Variants in NRXN3 observed in about 807,000 individuals in gnomAD.
NRXN3 encodes neurexin 3.
A neutral mutation model predicts 137.6 loss-of-function variants in NRXN3; 32 were observed. The ratio of observed to expected loss-of-function variants is 0.23; its 90% CI spans 0.18 to 0.31. The LOEUF is 0.31. NRXN3 is among the 10% of genes least tolerant of loss of function. The pLI is 1.00. For synonymous variants in NRXN3, 798 were observed against 784.5 expected (o/e 1.02, Z -0.29); for missense variants, 1,574 against 2,062.5 (o/e 0.76, Z 4.59).
Position 79,861,583 on chromosome 14 carries a change from G to A in NRXN3, c.4335G>A (p.Leu1445=). The change falls in exon 21 of 21, where the codon TTG becomes TTA. Residue 1445 remains leucine, a synonymous_variant. Transcript: ENST00000335750. The surrounding 1 kb of genome is among the most constrained non-coding windows in gnomAD (Gnocchi z 5.4). The stretch of plus-strand genomic sequence containing the variant: ...AGCCTGATATAGTCTTGCTTCCGTT[G>A]CCCACTGCCTATGAGCTAGACAGCA... ...KPQPDIVLLP[L]PTAYELDSTK... 1 of 1,608,540 alleles carries A rather than the reference G, an allele frequency of 6.2e-7. No individual in the cohort carries two copies. Among genetic ancestry groups the A allele is most frequent in the Non-Finnish European group, 8.5e-7 (1 of 1,177,772 alleles).
At chr14:78,568,961 G>T (rs2096862125) in intron 4 of NRXN3, among the ~76,000 whole-genome samples, 1 of 103,740 alleles carries the variant, frequency 9.6e-6, no homozygotes, top group African/African-American at 4.1e-5. Flanking sequence ...GACTTTGCAG[G>T]TTTTTTTTTT....
At chr14:79,764,240 C>A (rs1411752258) in intron 19 of NRXN3, among the ~76,000 whole-genome samples, 1 of 151,868 alleles carries the variant, frequency 6.6e-6, no homozygotes, top group Non-Finnish European at 1.5e-5. Context: ...CATTTTCAAC[C>A]TTATTTCTTT....
chr14:78,580,394 C>T (rs906779196), intron 4 of NRXN3, among the ~76,000 whole-genome samples: 2 of 152,180 alleles, frequency 1.3e-5, no homozygotes, highest in Non-Finnish European at 2.9e-5. Context: ...TGACACCAGG[C>T]TCATTGGTAA....
intron 4 of NRXN3, among the ~76,000 whole-genome samples, chr14:78,446,307 GA>G (rs1215231444): frequency 2.0e-5 from 3 of 152,088 alleles, no homozygotes; most frequent in Non-Finnish European, 4.4e-5. Flanking sequence ...GGGGCCTGGG[GA>G]AGGATGATAA....
At chr14:79,115,547 A>G (rs1196603295) in intron 15 of NRXN3, among the ~76,000 whole-genome samples, 6 of 152,168 alleles carry the variant, frequency 3.9e-5, no homozygotes, top group Non-Finnish European at 7.3e-5. Context: ...GAGGTGACAG[A>G]TATTCAAGAA....
chr14:78,778,758 C>CTCTTTCTT (rs10701078), intron 8 of NRXN3, among the ~76,000 whole-genome samples: 2,631 of 97,144 alleles, frequency 0.027, 52 homozygotes, highest in East Asian at 0.036. Context: ...TTCCTTCTTT[C>CTCTTTCTT]TCTTTCTTTC....
At chr14:78,439,170 A>T (rs567408447) in intron 4 of NRXN3, among the ~76,000 whole-genome samples, 49 of 152,042 alleles carry the variant, frequency 3.2e-4, no homozygotes, top group South Asian at 1.3e-3. Context: ...GAAGATAGTT[A>T]AAAAAAATGA....
chr14:79,835,426 C>A (rs1213278865), intron 20 of NRXN3, among the ~76,000 whole-genome samples: 2 of 152,128 alleles, frequency 1.3e-5, no homozygotes, highest in African/African-American at 4.8e-5. Flanking sequence ...TACCATAACG[C>A]TTTTCCTTTT....
intron 15 of NRXN3, among the ~76,000 whole-genome samples, chr14:79,191,258 C>G (rs919891519): frequency 6.6e-6 from 1 of 152,176 alleles, no homozygotes; most frequent in Non-Finnish European, 1.5e-5. Context: ...CTCAAACAAA[C>G]TATGGAAGCA....
intron 15 of NRXN3, among the ~76,000 whole-genome samples, chr14:79,196,105 G>A (rs2065094355): frequency 6.6e-6 from 1 of 152,150 alleles, no homozygotes; most frequent in South Asian, 2.1e-4. Flanking sequence ...GAGATTAAAT[G>A]AGGCAAAAGT....
chr14:79,097,545 A>G (rs1231748213), intron 15 of NRXN3, among the ~76,000 whole-genome samples: 1 of 152,226 alleles, frequency 6.6e-6, no homozygotes. Flanking sequence ...CTGAAGGAAG[A>G]GGCCAAACCA....
intron 8 of NRXN3, among the ~76,000 whole-genome samples, chr14:78,794,253 G>A (rs1481992713): frequency 6.6e-6 from 1 of 152,122 alleles, no homozygotes; most frequent in Non-Finnish European, 1.5e-5. Context: ...GTGGTGGCAT[G>A]TGCCTGTAGT....
At chr14:78,423,087 A>G (rs559588601) in intron 4 of NRXN3, among the ~76,000 whole-genome samples, 6 of 152,098 alleles carry the variant, frequency 3.9e-5, no homozygotes, top group Non-Finnish European at 7.4e-5. Context: ...TGCCTTTTGG[A>G]GGTGGGGACA....
intron 15 of NRXN3, among the ~76,000 whole-genome samples, chr14:79,006,627 A>G (rs894295555): frequency 6.6e-6 from 1 of 152,040 alleles, no homozygotes; most frequent in Non-Finnish European, 1.5e-5. Context: ...ATCCACTTAT[A>G]TTAGAGCCTC....
chr14:79,049,582 T>A (rs1568113754), intron 15 of NRXN3, among the ~76,000 whole-genome samples: 1 of 152,244 alleles, frequency 6.6e-6, no homozygotes, highest in Non-Finnish European at 1.5e-5. Context: ...ATGAATGCTC[T>A]TAATGGCATT....
intron 15 of NRXN3, among the ~76,000 whole-genome samples, chr14:79,258,117 A>G (rs1355206968): frequency 6.6e-6 from 1 of 152,240 alleles, no homozygotes; most frequent in Non-Finnish European, 1.5e-5. Context: ...CCACCAGTTC[A>G]AATGATGTTT....
intron 15 of NRXN3, among the ~76,000 whole-genome samples, chr14:79,439,735 G>A (rs185271401): frequency 8.9e-4 from 136 of 152,196 alleles, no homozygotes; most frequent in African/African-American, 3.1e-3. Flanking sequence ...AAGTAAAGTC[G>A]TAATCATTTC....
rs2067209537 is a variant in NRXN3 at position 78,242,621 on chromosome 14, A to C, written c.-473A>C. On this transcript the variant is annotated 5_prime_UTR_variant, in exon 2 of 21. Transcript: ENST00000335750. The stretch of plus-strand genomic sequence containing the variant: ...TCACCTCACCACTCACTCCTCCTCC[A>C]TCACAGCACCCCGGCCCTCCCTGTC... 1 of 159,880 alleles carries C rather than the reference A, an allele frequency of 6.3e-6. No individual in the cohort carries two copies. The highest frequency in any genetic ancestry group is 1.4e-5 in the Non-Finnish European group (1 of 73,086). The allele number at this position is 159,880 out of a possible 1,614,324, so 9.9% of individuals were successfully genotyped here. A position where few individuals can be genotyped will look rare whatever the true frequency, so the allele number is the denominator to read the frequency against.
chr14:78,509,863 T>C (rs1156667746), intron 4 of NRXN3, among the ~76,000 whole-genome samples: 1 of 152,064 alleles, frequency 6.6e-6, no homozygotes, highest in Non-Finnish European at 1.5e-5. Flanking sequence ...AAAGTGAAAC[T>C]CTGAGTGACA....
Sources: allele counts gnomAD v4.1 joint callset (sites outside exome capture counted in the v4.1 genomes callset), GRCh38; gene constraint gnomAD v4.1.1; non-coding constraint Gnocchi (gnomAD v3.1); transcripts MANE v1.5; gene names NCBI Gene and HGNC (gene_info 2026-07-23, HGNC 2026-07-21).